The following TUBB2B variants were observed in gnomAD, a reference collection of about 807,000 sequenced individuals.
The protein encoded by TUBB2B is tubulin beta 2B class IIb, also known as tubulin beta-2B chain.
Under a neutral mutation model 35.0 loss-of-function variants are expected in TUBB2B, and 5 were observed. The ratio of observed to expected loss-of-function variants is 0.14; its 90% CI spans 0.07 to 0.30. TUBB2B has a LOEUF of 0.30. TUBB2B is among the 10% of genes least tolerant of loss of function. The pLI, the probability that TUBB2B is intolerant of heterozygous loss-of-function variation, is 1.00. For missense variants in TUBB2B, 63 were observed against 601.8 expected (o/e 0.10, Z 9.37); for synonymous variants, 166 against 250.5 (o/e 0.66, Z 3.18).
chr6:3,224,341 A>C lies in TUBB2B; in HGVS notation c.*410T>G, dbSNP rs967754827. ...AGGTTGATCTCTCATCTTAACTGTGATTGGTTCAATTTTACCATACCGAAA... is the reference window on the plus strand; with the variant it reads ...AGGTTGATCTCTCATCTTAACTGTGCTTGGTTCAATTTTACCATACCGAAA... On this transcript the variant is annotated 3_prime_UTR_variant, in exon 4 of 4. Coordinates refer to ENST00000259818, the MANE Select transcript of TUBB2B (RefSeq NM_178012.5). 3.9e-6 allele frequency: 1 copy of C among 257,530 alleles called. No individual in the cohort carries two copies. The highest frequency in any genetic ancestry group is 7.4e-6 in the Non-Finnish European group (1 of 134,736). 16.0% of individuals were successfully genotyped at this position (257,530 alleles called of 1,614,324 possible). A position where few individuals can be genotyped will look rare whatever the true frequency, so the allele number is the denominator to read the frequency against.
At position 3,226,754 on chromosome 6, in the gene TUBB2B, G is replaced by A; in HGVS notation, c.58-85C>T. The A allele has an allele frequency of 2.5e-6, 3 of 1,176,960 alleles. No homozygotes were observed. The highest frequency in any genetic ancestry group is 2.6e-6 in the Non-Finnish European group (2 of 782,164). 72.9% of individuals were successfully genotyped at this position (1,176,960 alleles called of 1,614,324 possible). A position where few individuals can be genotyped will look rare whatever the true frequency, so the allele number is the denominator to read the frequency against. ...AATGAAATGTCCCCGACTCAGTTCC[G>A]ACAACCCAACATTTCAGGAGCTTGA... On this transcript the variant is annotated intron_variant, in intron 1 of 3. Coordinates refer to ENST00000259818, the MANE Select transcript of TUBB2B (RefSeq NM_178012.5). The surrounding 1 kb of genome is among the most constrained non-coding windows in gnomAD (Gnocchi z 5.5).
chr6:3,226,393 G>T lies in TUBB2B; in HGVS notation c.167-124C>A. ...GGAGACCCACCATCAGGTTCTCAAAGGGCTCTGTTGGCATAAGGAAGCCCA... is the reference window on the plus strand; with the variant it reads ...GGAGACCCACCATCAGGTTCTCAAATGGCTCTGTTGGCATAAGGAAGCCCA... On this transcript the variant is annotated intron_variant, in intron 2 of 3. Transcript: ENST00000259818. The surrounding 1 kb of genome is among the most constrained non-coding windows in gnomAD (Gnocchi z 5.5). The T allele has an allele frequency of 5.7e-6, 6 of 1,057,774 alleles. No individual in the cohort carries two copies. The highest frequency in any genetic ancestry group is 8.7e-6 in the Non-Finnish European group (6 of 690,122). 65.5% of individuals were successfully genotyped at this position (1,057,774 alleles called of 1,614,324 possible).
intron 3 of TUBB2B, 147 bp from the exon 4 acceptor site, chr6:3,225,958 C>T: frequency 3.4e-6 from 5 of 1,463,300 alleles, no homozygotes; most frequent in Non-Finnish European, 4.7e-6. Context: ...AATATTTGTT[C>T]ATGAATATAA....
Position 3,227,388 on chromosome 6 carries a change from C to A in TUBB2B, c.57+99G>T, listed in dbSNP as rs1008693070. 59 of 1,500,406 alleles carry A rather than the reference C, an allele frequency of 3.9e-5. No homozygotes were observed. In the African/African-American group the frequency reaches 6.9e-4, roughly 18 times the overall value. The allele number at this position is 1,500,406 out of a possible 1,614,324, so 92.9% of individuals were successfully genotyped here. A position where few individuals can be genotyped will look rare whatever the true frequency, so the allele number is the denominator to read the frequency against. ...AGCGGCCAGGAAGGTCTGCATTTGG[C>A]GATCCCCAGGCCTTCCCAGGACCGC... On this transcript the variant is annotated intron_variant, in intron 1 of 3. Coordinates refer to ENST00000259818, the MANE Select transcript of TUBB2B (RefSeq NM_178012.5). This position sits in a 1 kb window ranked among gnomAD's most constrained non-coding sequence, Gnocchi z 7.8.
At position 3,226,404 on chromosome 6, in the gene TUBB2B, G is replaced by A; in HGVS notation, c.167-135C>T. 9.7e-7 allele frequency: 1 copy of A among 1,030,246 alleles called. No individual in the cohort carries two copies. Among genetic ancestry groups the A allele is most frequent in the Non-Finnish European group, 1.5e-6 (1 of 664,426 alleles). The allele number at this position is 1,030,246 out of a possible 1,614,324, so 63.8% of individuals were successfully genotyped here. A position where few individuals can be genotyped will look rare whatever the true frequency, so the allele number is the denominator to read the frequency against. ...ATCAGGTTCTCAAAGGGCTCTGTTGGCATAAGGAAGCCCAATGAAATACTG... is the reference window on the plus strand; with the variant it reads ...ATCAGGTTCTCAAAGGGCTCTGTTGACATAAGGAAGCCCAATGAAATACTG... On this transcript the variant is annotated intron_variant, in intron 2 of 3. Coordinates refer to ENST00000259818, the MANE Select transcript of TUBB2B (RefSeq NM_178012.5). The surrounding 1 kb of genome is among the most constrained non-coding windows in gnomAD (Gnocchi z 5.5).
chr6:3,224,747 G>A lies in TUBB2B; in HGVS notation c.*4C>T, dbSNP rs1454620683. 1 of 1,613,770 alleles carries A rather than the reference G, an allele frequency of 6.2e-7. No homozygotes were observed. The highest frequency in any genetic ancestry group is 1.3e-5 in the African/African-American group (1 of 74,902). On this transcript the variant is annotated 3_prime_UTR_variant, in exon 4 of 4. Coordinates refer to ENST00000259818, the MANE Select transcript of TUBB2B (RefSeq NM_178012.5). Reference sequence around the variant, plus strand: ...GCTTTCCCTAACCCGTCTCGCGGGGGCATCTACGCCTCGTCCTCGCCCTCC... The same window carrying A: ...GCTTTCCCTAACCCGTCTCGCGGGGACATCTACGCCTCGTCCTCGCCCTCC...
chr6:3,224,735 C>G lies in TUBB2B; in HGVS notation c.*16G>C, dbSNP rs375381318. Reference sequence around the variant, plus strand: ...CTTTCCTCCTCCGCTTTCCCTAACCCGTCTCGCGGGGGCATCTACGCCTCG... The same window carrying G: ...CTTTCCTCCTCCGCTTTCCCTAACCGGTCTCGCGGGGGCATCTACGCCTCG... On this transcript the variant is annotated 3_prime_UTR_variant, in exon 4 of 4. Coordinates refer to ENST00000259818, the MANE Select transcript of TUBB2B (RefSeq NM_178012.5). 2 of 1,613,810 alleles carry G rather than the reference C, an allele frequency of 1.2e-6. No individual in the cohort carries two copies. The highest frequency in any genetic ancestry group is 1.7e-5 in the Admixed American group (1 of 60,022).
chr6:3,226,396 C>G lies in TUBB2B; in HGVS notation c.167-127G>C. ...GACCCACCATCAGGTTCTCAAAGGG[C>G]TCTGTTGGCATAAGGAAGCCCAATG... On this transcript the variant is annotated intron_variant, in intron 2 of 3. Transcript: ENST00000259818. This position sits in a 1 kb window ranked among gnomAD's most constrained non-coding sequence, Gnocchi z 5.5. 9.5e-7 allele frequency: 1 copy of G among 1,057,270 alleles called. No homozygotes were observed. The highest frequency in any genetic ancestry group is 1.5e-6 in the Non-Finnish European group (1 of 689,256). 65.5% of individuals were successfully genotyped at this position (1,057,270 alleles called of 1,614,324 possible).
Position 3,224,599 on chromosome 6 carries a change from AG to A in TUBB2B, c.*151del, listed in dbSNP as rs1581525481. 4 of 1,027,800 alleles carry A rather than the reference AG, an allele frequency of 3.9e-6. No individual in the cohort carries two copies. The East Asian group carries it at 1.0e-4, about 27-fold the overall frequency. 63.7% of individuals were successfully genotyped at this position (1,027,800 alleles called of 1,614,324 possible). ...CAATATTACAAAAAAGGAAAAAAAAAGTGACAGGCAACAGTGAAGAGCACCA... is the reference window on the plus strand; with the variant it reads ...CAATATTACAAAAAAGGAAAAAAAAATGACAGGCAACAGTGAAGAGCACCA... On this transcript the variant is annotated 3_prime_UTR_variant, in exon 4 of 4. Transcript: ENST00000259818.
In TUBB2B at chr6:3,224,799, G is replaced by A; in HGVS notation, c.1290C>T (p.Ala430=). 6.2e-7 allele frequency: 1 copy of A among 1,613,248 alleles called. No individual in the cohort carries two copies. Among genetic ancestry groups the A allele is most frequent in the Non-Finnish European group, 8.5e-7 (1 of 1,179,896 alleles). Residue 430 remains alanine, a synonymous_variant, in exon 4 of 4, where the codon GCC becomes GCT. Coordinates refer to ENST00000259818, the MANE Select transcript of TUBB2B (RefSeq NM_178012.5). Reference sequence around the variant, plus strand: ...CCTCCTCGAACTCCCCTTGTTCGTCGGCCGTGGCGTCCTGGTACTGCTGGT... The same window carrying A: ...CCTCCTCGAACTCCCCTTGTTCGTCAGCCGTGGCGTCCTGGTACTGCTGGT... The part of the protein sequence containing the change: ...SEYQQYQDAT[A]DEQGEFEEEE...
chr6:3,225,961 G>T (rs182470182), intron 3 of TUBB2B, 150 bp from the exon 4 acceptor site: 2 of 1,458,236 alleles, frequency 1.4e-6, no homozygotes, highest in South Asian at 1.2e-5. Flanking sequence ...ATTTGTTCAT[G>T]AATATAATTA....
rs945725841 is a variant in TUBB2B, at chr6:3,227,451, G to A, written c.57+36C>T. The stretch of plus-strand genomic sequence containing the variant: ...CGAGGGGCTCTCGGCCCAGGTTCGC[G>A]CCCCCATTGGACCCCCTCCGCTGCG... On this transcript the variant is annotated intron_variant, in intron 1 of 3. Transcript: ENST00000259818. This position sits in a 1 kb window ranked among gnomAD's most constrained non-coding sequence, Gnocchi z 7.8. 3.7e-6 allele frequency: 6 copies of A among 1,601,958 alleles called. No individual in the cohort carries two copies. The African/African-American group carries it at 6.7e-5, about 18-fold the overall frequency.
Position 3,226,084 on chromosome 6 carries a change from C to T in TUBB2B, c.277+75G>A. 1 of 1,438,246 alleles carries T rather than the reference C, an allele frequency of 7.0e-7. No homozygotes were observed. 89.1% of individuals were successfully genotyped at this position (1,438,246 alleles called of 1,614,324 possible). A position where few individuals can be genotyped will look rare whatever the true frequency, so the allele number is the denominator to read the frequency against. On this transcript the variant is annotated intron_variant, in intron 3 of 3. Transcript: ENST00000259818. The surrounding 1 kb of genome is among the most constrained non-coding windows in gnomAD (Gnocchi z 5.5). Reference sequence around the variant, plus strand: ...GATGTTCTTCATGCTTTCCCTCTGGCAATCACACCTCTTCAGCCTCCACTG... The same window carrying T: ...GATGTTCTTCATGCTTTCCCTCTGGTAATCACACCTCTTCAGCCTCCACTG...
rs1757268361 is a variant in TUBB2B, at chr6:3,224,748, C to A, written c.*3G>T. On this transcript the variant is annotated 3_prime_UTR_variant, in exon 4 of 4. Coordinates refer to ENST00000259818, the MANE Select transcript of TUBB2B (RefSeq NM_178012.5). ...CTTTCCCTAACCCGTCTCGCGGGGG[C>A]ATCTACGCCTCGTCCTCGCCCTCCT... 6.2e-7 allele frequency: 1 copy of A among 1,613,900 alleles called. No individual in the cohort carries two copies. Among genetic ancestry groups the A allele is most frequent in the African/African-American group, 1.3e-5 (1 of 74,928 alleles).
At position 3,226,419 on chromosome 6, in the gene TUBB2B, A is replaced by G. The variant is rs114352665; in HGVS notation, c.166+142T>C. 1,694 of 1,041,250 alleles carry G rather than the reference A, an allele frequency of 1.6e-3. 9 individuals carry two copies. In the African/African-American group the frequency reaches 0.022, roughly 13 times the overall value. The allele number at this position is 1,041,250 out of a possible 1,614,324, so 64.5% of individuals were successfully genotyped here. ...GGCTCTGTTGGCATAAGGAAGCCCAATGAAATACTGCAGGGAAAGAGCGGG... is the reference window on the plus strand; with the variant it reads ...GGCTCTGTTGGCATAAGGAAGCCCAGTGAAATACTGCAGGGAAAGAGCGGG... On this transcript the variant is annotated intron_variant, in intron 2 of 3. Coordinates refer to ENST00000259818, the MANE Select transcript of TUBB2B (RefSeq NM_178012.5). The surrounding 1 kb of genome is among the most constrained non-coding windows in gnomAD (Gnocchi z 5.5).
Position 3,226,126 on chromosome 6 carries a change from T to A in TUBB2B, c.277+33A>T. The A allele has an allele frequency of 6.3e-7, 1 of 1,579,526 alleles. No individual in the cohort carries two copies. The highest frequency in any genetic ancestry group is 8.7e-7 in the Non-Finnish European group (1 of 1,149,640). ...CCTCCACTGCCCAGCGTAAAATGAA[T>A]CCCTCATGCTCTCAGCCACACCAGG... On this transcript the variant is annotated intron_variant, in intron 3 of 3. Transcript: ENST00000259818. The surrounding 1 kb of genome is among the most constrained non-coding windows in gnomAD (Gnocchi z 5.5).
At chr6:3,225,952 T>C (rs1378396499) in intron 3 of TUBB2B, 141 bp from the exon 4 acceptor site, 1 of 1,471,542 alleles carries the variant, frequency 6.8e-7, no homozygotes, top group African/African-American at 1.4e-5. Context: ...CGTTAAAATA[T>C]TTGTTCATGA....
rs761578245 is a variant in TUBB2B at position 3,226,135 on chromosome 6, C to T, written c.277+24G>A. On this transcript the variant is annotated intron_variant, in intron 3 of 3. Transcript: ENST00000259818. This position sits in a 1 kb window ranked among gnomAD's most constrained non-coding sequence, Gnocchi z 5.5. ...CCCAGCGTAAAATGAATCCCTCATG[C>T]TCTCAGCCACACCAGGCACTCACCA... is the stretch of plus-strand genomic sequence containing the variant. 1 of 1,597,744 alleles carries T rather than the reference C, an allele frequency of 6.3e-7. No individual in the cohort carries two copies. Among genetic ancestry groups the T allele is most frequent in the Non-Finnish European group, 8.6e-7 (1 of 1,165,860 alleles).
In TUBB2B at chr6:3,224,742, C is replaced by T; in HGVS notation, c.*9G>A. On this transcript the variant is annotated 3_prime_UTR_variant, in exon 4 of 4. Coordinates refer to ENST00000259818, the MANE Select transcript of TUBB2B (RefSeq NM_178012.5). ...CCTCCGCTTTCCCTAACCCGTCTCG[C>T]GGGGGCATCTACGCCTCGTCCTCGC... 1.2e-6 allele frequency: 2 copies of T among 1,613,896 alleles called. No individual in the cohort carries two copies. Among genetic ancestry groups the T allele is most frequent in the Admixed American group, 1.7e-5 (1 of 60,018 alleles).
Sources: gnomAD v4.1 joint callset for allele counts on GRCh38, gnomAD v4.1.1 for gene constraint, Gnocchi (gnomAD v3.1) non-coding constraint, MANE v1.5 for transcripts, NCBI Gene and HGNC (gene_info 2026-07-23, HGNC 2026-07-21) for gene names.